The following FGD6 variants were observed in gnomAD, a reference collection of about 807,000 sequenced individuals.
The protein encoded by FGD6 is FYVE, RhoGEF and PH domain containing 6.
In FGD6, 90 loss-of-function variants were observed where a neutral mutation model predicts 149.4. The ratio of observed to expected loss-of-function variants is 0.60; its 90% CI spans 0.51 to 0.72. The LOEUF (loss-of-function observed/expected upper bound fraction) is 0.72. Ranked by LOEUF, FGD6 falls within the 30% of genes least tolerant of loss-of-function variation. The probability of loss-of-function intolerance (pLI) is 0.00; values close to 1 mark genes in which losing one functional copy is unlikely to be tolerated. For missense variants in FGD6, 1,437 were observed against 1,684.8 expected (o/e 0.85, Z 2.57); for synonymous variants, 527 against 584.0 (o/e 0.90, Z 1.41).
chr12:95,134,838 A>G lies in FGD6; in HGVS notation c.2995-12T>C. The G allele has an allele frequency of 6.2e-7, 1 of 1,606,726 alleles. No individual in the cohort carries two copies. Among genetic ancestry groups the G allele is most frequent in the Non-Finnish European group, 8.5e-7 (1 of 1,176,366 alleles). On this transcript the variant is annotated splice_polypyrimidine_tract_variant and intron_variant, in intron 7 of 20. Transcript: ENST00000343958. ...CAGCGAGGGCTCATCTGAAAGGAGA[A>G]GGCATCTAAATTAACACAGTGTTTT...
chr12:95,149,805 T>C (rs972410374), intron 5 of FGD6, among the ~76,000 whole-genome samples: 2 of 145,480 alleles, frequency 1.4e-5, no homozygotes, highest in African/African-American at 5.0e-5. Flanking sequence ...TATATAATAC[T>C]ATATAATAGT....
intron 14 of FGD6, chr12:95,100,748 G>T (rs1878399803): frequency 2.0e-6 from 1 of 507,288 alleles, no homozygotes; most frequent in South Asian, 1.5e-5. Context: ...CTTGCCTGGA[G>T]CAAGGATATC....
Position 95,211,243 on chromosome 12 carries a change from G to A in FGD6, c.41C>T (p.Pro14Leu). The A allele has an allele frequency of 6.3e-7, 1 of 1,589,060 alleles. No individual in the cohort carries two copies. Among genetic ancestry groups the A allele is most frequent in the Non-Finnish European group, 8.5e-7 (1 of 1,172,358 alleles). Residue 14 changes from proline (P) to leucine (L), a missense_variant, in exon 2 of 21, where the codon CCC (proline) becomes CTC (leucine). Transcript: ENST00000343958. ...AAEIKKPPVA[P>L]KPKFVVANNK... Reference sequence around the variant, plus strand: ...ATTTGCCACAACAAACTTGGGCTTGGGGGCCACTGGTGGCTTCTTTATCTC... The same window carrying A: ...ATTTGCCACAACAAACTTGGGCTTGAGGGCCACTGGTGGCTTCTTTATCTC...
chr12:95,162,507 T>A (rs928290113), intron 3 of FGD6, among the ~76,000 whole-genome samples: 4 of 152,156 alleles, frequency 2.6e-5, no homozygotes, highest in Non-Finnish European at 5.9e-5. Flanking sequence ...CCAGCCTGGG[T>A]GACAGAGTGA....
At chr12:95,102,443 C>CAAAAAAAAAAAA (rs55926317) in intron 14 of FGD6, among the ~76,000 whole-genome samples, 3 of 104,216 alleles carry the variant, frequency 2.9e-5, no homozygotes, top group African/African-American at 1.1e-4. Flanking sequence ...GACCCTTTCT[C>CAAAAAAAAAAAA]AAAAAAAAAA....
intron 2 of FGD6, among the ~76,000 whole-genome samples, chr12:95,194,792 T>C (rs1010664183): frequency 6.6e-6 from 1 of 152,164 alleles, no homozygotes; most frequent in African/African-American, 2.4e-5. Flanking sequence ...ATATACTAGT[T>C]GTGATTCTTT....
intron 17 of FGD6, among the ~76,000 whole-genome samples, chr12:95,090,085 C>T (rs923239631): frequency 1.3e-5 from 2 of 152,094 alleles, no homozygotes; most frequent in South Asian, 2.1e-4. Flanking sequence ...AGGGGGCTAT[C>T]GGACACGGAT....
chr12:95,128,713 G>A (rs1429383792), intron 8 of FGD6, among the ~76,000 whole-genome samples: 1 of 152,230 alleles, frequency 6.6e-6, no homozygotes, highest in African/African-American at 2.4e-5. Flanking sequence ...CAAAGAGGAA[G>A]ACTGTAAGCC....
chr12:95,155,564 A>C (rs185799127), intron 3 of FGD6, among the ~76,000 whole-genome samples: 1 of 152,324 alleles, frequency 6.6e-6, no homozygotes, highest in African/African-American at 2.4e-5. Context: ...AAAAACCTGC[A>C]ATCACTTCTA....
At chr12:95,205,674 G>T (rs539461530) in intron 2 of FGD6, among the ~76,000 whole-genome samples, 1 of 152,164 alleles carries the variant, frequency 6.6e-6, no homozygotes, top group Non-Finnish European at 1.5e-5. Flanking sequence ...TCATTTATTT[G>T]ATCTCAGGGT....
At chr12:95,153,145 G>T in intron 3 of FGD6, 152 bp from the exon 4 acceptor site, 2 of 654,576 alleles carry the variant, frequency 3.1e-6, no homozygotes, top group South Asian at 1.9e-5. Flanking sequence ...CAAACGTGGA[G>T]AATTGGATGA....
intron 2 of FGD6, among the ~76,000 whole-genome samples, chr12:95,205,985 G>C (rs893950032): frequency 3.3e-5 from 5 of 152,142 alleles, no homozygotes; most frequent in African/African-American, 9.7e-5. Flanking sequence ...CCTCCAGAAA[G>C]AACTCTCCTT....
At chr12:95,081,666 A>AAT in intron 20 of FGD6, 110 bp from the exon 21 acceptor site, 7 of 459,670 alleles carry the variant, frequency 1.5e-5, no homozygotes, top group Admixed American at 3.9e-5. Flanking sequence ...CAACATAGGT[A>AAT]AGATATATAT....
At position 95,149,809 on chromosome 12, in the gene FGD6, T is replaced by C. The variant is rs868750119; in HGVS notation, c.2685+3002A>G. On this transcript the variant is annotated intron_variant, in intron 5 of 20. Transcript: ENST00000343958. Reference sequence around the variant, plus strand: ...ATATTATATGATATATAATACTATATAATAGTAATCATTATATATAATATA... The same window carrying C: ...ATATTATATGATATATAATACTATACAATAGTAATCATTATATATAATATA... Among the ~76,000 whole-genome samples, 41 of 146,412 alleles carry C rather than the reference T, an allele frequency of 2.8e-4. No homozygotes were observed. The South Asian group carries it at 6.7e-3, about 24-fold the overall frequency.
intron 3 of FGD6, among the ~76,000 whole-genome samples, chr12:95,161,901 T>C (rs1294656115): frequency 6.6e-6 from 1 of 152,126 alleles, no homozygotes; most frequent in Non-Finnish European, 1.5e-5. Flanking sequence ...AGATCTTAAA[T>C]TTCAGATTCC....
At chr12:95,111,531 AG>A (rs1045613311) in intron 9 of FGD6, among the ~76,000 whole-genome samples, 5 of 152,072 alleles carry the variant, frequency 3.3e-5, no homozygotes, top group Non-Finnish European at 7.4e-5. Flanking sequence ...TCCTCACGAG[AG>A]GGGCTGCCGT....
intron 5 of FGD6, among the ~76,000 whole-genome samples, chr12:95,150,645 G>C (rs967107980): frequency 6.6e-6 from 1 of 151,794 alleles, no homozygotes; most frequent in African/African-American, 2.4e-5. Flanking sequence ...AGGGTTTGCT[G>C]TGTCATCCAT....
Position 95,105,024 on chromosome 12 carries a change from G to A in FGD6, c.3480C>T (p.Ser1160=). 1 of 1,593,164 alleles carries A rather than the reference G, an allele frequency of 6.3e-7. No homozygotes were observed. The highest frequency in any genetic ancestry group is 8.5e-7 in the Non-Finnish European group (1 of 1,173,910). ...AAATTTACCTGGCTGAGAGAATGAA[G>A]GAACGTTCTACACTTTCAATCTTTA... ...NELKIESVER[S]FILSASSATE... The change falls in exon 14 of 21, where the codon TCC becomes TCT. Residue 1160 remains serine (S), a synonymous_variant. Coordinates refer to ENST00000343958, the MANE Select transcript of FGD6 (RefSeq NM_018351.4).
intron 17 of FGD6, among the ~76,000 whole-genome samples, chr12:95,091,426 C>T (rs1172245942): frequency 6.6e-6 from 1 of 152,158 alleles, no homozygotes; most frequent in Non-Finnish European, 1.5e-5. Flanking sequence ...TTCAAAATTA[C>T]TTGAAAGTTA....
Sources: gnomAD v4.1 joint callset for allele counts (sites outside exome capture counted in the v4.1 genomes callset) on GRCh38, gnomAD v4.1.1 for gene constraint, MANE v1.5 for transcripts, NCBI Gene and HGNC (gene_info 2026-07-23, HGNC 2026-07-21) for gene names.